PTPRT: variants seen among roughly 807,000 people sequenced by gnomAD.
The protein encoded by PTPRT is receptor-type tyrosine-protein phosphatase T.
PTPRT carries 56 observed loss-of-function variants against 176.8 expected under a neutral mutation model. That is an observed-to-expected ratio of 0.32 (90% CI 0.26 to 0.40). The LOEUF is 0.40. Ranked by LOEUF, PTPRT falls within the 10% of genes least tolerant of loss-of-function variation. The pLI is 1.00. For synonymous variants in PTPRT, 783 were observed against 739.0 expected (o/e 1.06, Z -0.96); for missense variants, 1,540 against 1,908.2 (o/e 0.81, Z 3.60).
rs570782815 is a variant in PTPRT, at chr20:42,632,407, T to G, written c.1153+45459A>C. Reference sequence around the variant, plus strand: ...GCCTGGCTAATTTTTGCATTTTTAGTAGAGATGGGATTTCACCATATTGGT... The same window carrying G: ...GCCTGGCTAATTTTTGCATTTTTAGGAGAGATGGGATTTCACCATATTGGT... On this transcript the variant is annotated intron_variant, in intron 7 of 30. Coordinates refer to ENST00000373187, the MANE Select transcript of PTPRT (RefSeq NM_007050.6). Among the ~76,000 whole-genome samples the G allele has an allele frequency of 7.9e-5, 12 of 152,058 alleles. No individual in the cohort carries two copies. The South Asian group carries it at 2.5e-3, about 32-fold the overall frequency.
chr20:42,311,369 A>G (rs1221026515), intron 12 of PTPRT, among the ~76,000 whole-genome samples: 1 of 152,156 alleles, frequency 6.6e-6, no homozygotes, highest in Non-Finnish European at 1.5e-5. Context: ...ATTCATAGCC[A>G]CTCTGTTAAC....
intron 16 of PTPRT, 97 bp downstream of exon 16, chr20:42,199,143 C>G: frequency 1.4e-6 from 2 of 1,436,326 alleles, no homozygotes; most frequent in Non-Finnish European, 1.9e-6. Flanking sequence ...ATACCCTATG[C>G]CTGGCAGCAC....
At chr20:42,175,705 C>T (rs1247761601) in intron 16 of PTPRT, among the ~76,000 whole-genome samples, 2 of 152,006 alleles carry the variant, frequency 1.3e-5, no homozygotes, top group Non-Finnish European at 2.9e-5. Context: ...ACTCTTGAGT[C>T]GGCATTAATG....
At chr20:42,246,310 C>T (rs1358844943) in intron 14 of PTPRT, among the ~76,000 whole-genome samples, 1 of 152,100 alleles carries the variant, frequency 6.6e-6, no homozygotes, top group Non-Finnish European at 1.5e-5. Flanking sequence ...TCCTCTTCTC[C>T]TCCTACCCTC....
chr20:43,157,136 G>A (rs1220915436), intron 1 of PTPRT, among the ~76,000 whole-genome samples: 1 of 151,852 alleles, frequency 6.6e-6, no homozygotes, highest in East Asian at 1.9e-4. Context: ...AGGATCGCTT[G>A]AGCCCAGGAG....
intron 26 of PTPRT, among the ~76,000 whole-genome samples, chr20:42,098,754 A>G (rs1985553305): frequency 6.6e-6 from 1 of 152,246 alleles, no homozygotes. Flanking sequence ...AAACTAAGAC[A>G]TTTCATTAGG....
At chr20:42,590,347 G>GA (rs1185023791) in intron 7 of PTPRT, among the ~76,000 whole-genome samples, 1 of 152,232 alleles carries the variant, frequency 6.6e-6, no homozygotes, top group East Asian at 1.9e-4. Flanking sequence ...AAGACATAAT[G>GA]AAAAATACAT....
At chr20:42,731,417 G>A (rs1356627905) in intron 6 of PTPRT, among the ~76,000 whole-genome samples, 1 of 152,184 alleles carries the variant, frequency 6.6e-6, no homozygotes, top group Admixed American at 6.5e-5. Flanking sequence ...CAGTGGAGAT[G>A]GTAGTATTTC....
chr20:42,151,412 C>T (rs1989126669), intron 17 of PTPRT, among the ~76,000 whole-genome samples: 1 of 152,044 alleles, frequency 6.6e-6, no homozygotes, highest in South Asian at 2.1e-4. Context: ...CTTTTCTGTT[C>T]TTGTGTTAGT....
chr20:43,078,380 A>G (rs1180343982), intron 1 of PTPRT, among the ~76,000 whole-genome samples: 2 of 152,204 alleles, frequency 1.3e-5, no homozygotes, highest in African/African-American at 2.4e-5. Context: ...ATATCTCTGA[A>G]TAGATATTGG....
chr20:42,838,732 C>T (rs992984848), intron 2 of PTPRT, among the ~76,000 whole-genome samples: 1 of 152,180 alleles, frequency 6.6e-6, no homozygotes, highest in Non-Finnish European at 1.5e-5. Flanking sequence ...GGGTATCTCC[C>T]TCATGGCAGG....
chr20:42,257,863 C>T (rs987417730), intron 13 of PTPRT, among the ~76,000 whole-genome samples: 2 of 151,798 alleles, frequency 1.3e-5, no homozygotes, highest in African/African-American at 4.8e-5. Flanking sequence ...TGGGAATGAA[C>T]TAATACACCT....
At chr20:42,869,713 G>T (rs944446419) in intron 2 of PTPRT, among the ~76,000 whole-genome samples, 2 of 152,166 alleles carry the variant, frequency 1.3e-5, no homozygotes, top group South Asian at 2.1e-4. Context: ...CTATTGAGAT[G>T]GAATGAATGT....
chr20:42,120,008 TGTC>T, intron 19 of PTPRT, 37 bp from the exon 20 acceptor site: 1 of 1,576,328 alleles, frequency 6.3e-7, no homozygotes, highest in Non-Finnish European at 8.7e-7. Flanking sequence ...AAGAGTCTGT[TGTC>T]AAAGCTTGCA....
chr20:42,983,761 C>T (rs1214275544), intron 1 of PTPRT, among the ~76,000 whole-genome samples: 1 of 152,250 alleles, frequency 6.6e-6, no homozygotes. Flanking sequence ...ACCCCACTGT[C>T]GTGTTTCTTT....
intron 19 of PTPRT, among the ~76,000 whole-genome samples, chr20:42,127,691 T>G (rs776193345): frequency 5.3e-5 from 8 of 152,184 alleles, no homozygotes; most frequent in Non-Finnish European, 1.2e-4. Context: ...CTGAGATGCA[T>G]GGCTTGAATC....
chr20:42,991,054 A>C (rs1395089074), intron 1 of PTPRT, among the ~76,000 whole-genome samples: 1 of 152,190 alleles, frequency 6.6e-6, no homozygotes, highest in Non-Finnish European at 1.5e-5. Flanking sequence ...GAGAGAAGCA[A>C]ACCCAGGAGA....
At chr20:43,019,424 T>G (rs112882923) in intron 1 of PTPRT, among the ~76,000 whole-genome samples, 3,046 of 151,908 alleles carry the variant, frequency 0.02, 38 homozygotes, top group East Asian at 0.068. Flanking sequence ...ATTGACACCA[T>G]CCTGGCCAAC....
At chr20:42,359,925 A>G (rs1161990147) in intron 9 of PTPRT, among the ~76,000 whole-genome samples, 9 of 152,220 alleles carry the variant, frequency 5.9e-5, no homozygotes, top group Non-Finnish European at 1.0e-4. Context: ...ACCATGGATC[A>G]AAGGGCTGTT....
Sources: gnomAD v4.1 joint callset for allele counts (sites outside exome capture counted in the v4.1 genomes callset) on GRCh38, gnomAD v4.1.1 for gene constraint, MANE v1.5 for transcripts, NCBI Gene and HGNC (gene_info 2026-07-23, HGNC 2026-07-21) for gene names.